Variants in GALNT9 observed in about 807,000 individuals in gnomAD.
GALNT9 encodes the protein GalNAc transferase 9.
Under a neutral mutation model 63.1 loss-of-function variants are expected in GALNT9, and 47 were observed. The observed-to-expected ratio is 0.75, with a 90% CI of 0.59 to 0.95. The LOEUF (loss-of-function observed/expected upper bound fraction) is 0.95, where lower values mean the gene tolerates loss of function less well. Ranked by LOEUF, GALNT9 falls within the 40% of genes least tolerant of loss-of-function variation. The probability of loss-of-function intolerance (pLI) is 0.00; values close to 1 mark genes in which losing one functional copy is unlikely to be tolerated. For missense variants in GALNT9, 829 were observed against 874.8 expected, an observed-to-expected ratio of 0.95 and a Z score of 0.66; for synonymous variants, 396 against 365.7, an observed-to-expected ratio of 1.08 and a Z score of -0.94.
chr12:132,309,179 A>C (rs1384773463), intron 1 of GALNT9, among the ~76,000 whole-genome samples: 3 of 152,182 alleles, frequency 2.0e-5, no homozygotes, highest in Non-Finnish European at 4.4e-5. Context: ...ACCCCCGTAG[A>C]TTTCACCTGA....
rs1391235817 is a variant in GALNT9 at position 132,308,723 on chromosome 12, T to C, written c.238+20243A>G. Among the ~76,000 whole-genome samples the C allele has an allele frequency of 2.0e-5, 3 of 152,206 alleles. No homozygotes were observed. The East Asian group carries it at 5.8e-4, about 29-fold the overall frequency. ...ACTGCCCACGATGTCAGCACCATGCTGTCCCCATTGCATAGACAGTGAGGC... is the reference window on the plus strand; with the variant it reads ...ACTGCCCACGATGTCAGCACCATGCCGTCCCCATTGCATAGACAGTGAGGC... On this transcript the variant is annotated intron_variant, in intron 1 of 10. Transcript: ENST00000328957.
intron 2 of GALNT9, among the ~76,000 whole-genome samples, chr12:132,285,813 G>A (rs1880562013): frequency 6.6e-6 from 1 of 152,172 alleles, no homozygotes; most frequent in East Asian, 1.9e-4. Flanking sequence ...CCAAAAGTAG[G>A]GGAGGGGGAG....
intron 1 of GALNT9, among the ~76,000 whole-genome samples, chr12:132,291,369 G>C (rs868972328): frequency 3.3e-5 from 1 of 30,664 alleles, no homozygotes; most frequent in East Asian, 1.8e-3. Context: ...CAGCACCCAC[G>C]TCCACAGCAC....
At chr12:132,259,509 G>T (rs1555239505) in intron 4 of GALNT9, among the ~76,000 whole-genome samples, 1 of 152,218 alleles carries the variant, frequency 6.6e-6, no homozygotes, top group Non-Finnish European at 1.5e-5. Context: ...GAGGGCACAG[G>T]GCAGAGGAGG....
At chr12:132,283,725 G>C (rs1460753063) in intron 2 of GALNT9, 3 of 150,346 alleles carry the variant, frequency 2.0e-5, no homozygotes, top group Non-Finnish European at 4.4e-5. Context: ...TCACACATGG[G>C]TGCCGGAGAA....
chr12:132,237,763 G>C (rs1878057610), intron 6 of GALNT9, among the ~76,000 whole-genome samples: 1 of 152,240 alleles, frequency 6.6e-6, no homozygotes, highest in South Asian at 2.1e-4. Context: ...GGTGGGGCCT[G>C]ACGCAGCCTC....
chr12:132,250,214 T>C (rs1878855846), intron 5 of GALNT9, among the ~76,000 whole-genome samples: 1 of 151,304 alleles, frequency 6.6e-6, no homozygotes, highest in South Asian at 2.1e-4. Flanking sequence ...TGTGACTCCG[T>C]CCGCATGCAA....
intron 6 of GALNT9, among the ~76,000 whole-genome samples, chr12:132,208,429 AG>A (rs973341260): frequency 5.3e-5 from 8 of 152,214 alleles, no homozygotes; most frequent in African/African-American, 1.7e-4. Context: ...CCCCACTGAG[AG>A]GGGGACGCTA....
intron 2 of GALNT9, among the ~76,000 whole-genome samples, chr12:132,272,342 C>T (rs1698404834): frequency 6.6e-6 from 1 of 152,250 alleles, no homozygotes; most frequent in Non-Finnish European, 1.5e-5. Context: ...TGGCTCCACA[C>T]AGGCCCTCCA....
chr12:132,251,379 T>A (rs1289460890), intron 5 of GALNT9, among the ~76,000 whole-genome samples: 1 of 152,214 alleles, frequency 6.6e-6, no homozygotes, highest in South Asian at 2.1e-4. Flanking sequence ...GGCAGGAAGC[T>A]GTGAAACAGG....
chr12:132,227,549 T>A (rs1877740441), intron 6 of GALNT9, among the ~76,000 whole-genome samples: 2 of 152,228 alleles, frequency 1.3e-5, no homozygotes, highest in Non-Finnish European at 2.9e-5. Flanking sequence ...ATTTTTATTT[T>A]GTTCTAGTTA....
intron 2 of GALNT9, among the ~76,000 whole-genome samples, chr12:132,267,634 A>C (rs1879651567): frequency 6.6e-6 from 1 of 152,250 alleles, no homozygotes; most frequent in Admixed American, 6.5e-5. Flanking sequence ...TACCACAGCC[A>C]TTGGCAGGGC....
At chr12:132,197,581 C>T (rs901042598) in intron 10 of GALNT9, among the ~76,000 whole-genome samples, 1 of 148,866 alleles carries the variant, frequency 6.7e-6, no homozygotes, top group Non-Finnish European at 1.5e-5. Context: ...CCCGACCCCT[C>T]TCTGGCTGTG....
In GALNT9 at chr12:132,252,831, C is replaced by T. The variant is rs1207830802; in HGVS notation, c.960-4804G>A. Among the ~76,000 whole-genome samples the T allele has an allele frequency of 6.6e-6, 1 of 151,548 alleles. No homozygotes were observed. The highest frequency in any genetic ancestry group is 2.4e-5 in the African/African-American group (1 of 41,148). On this transcript the variant is annotated intron_variant, in intron 5 of 10. Transcript: ENST00000328957. This position sits in a 1 kb window ranked among gnomAD's most constrained non-coding sequence, Gnocchi z 5.2. ...CTGGGAGGCGGAGGTTGTGGTGAGC[C>T]GAGATCGCACCACTGCACTCCAGCC...
chr12:132,326,914 C>T (rs1016438346), intron 1 of GALNT9, among the ~76,000 whole-genome samples: 5 of 152,194 alleles, frequency 3.3e-5, no homozygotes, highest in Non-Finnish European at 5.9e-5. Context: ...TCTACGGCAC[C>T]GCCCTCCCCG....
intron 1 of GALNT9, among the ~76,000 whole-genome samples, chr12:132,309,629 G>A (rs1881741823): frequency 6.6e-6 from 1 of 152,214 alleles, no homozygotes; most frequent in South Asian, 2.1e-4. Flanking sequence ...TGCCACGACT[G>A]CCCAGTGTCC....
chr12:132,284,285 AC>A (rs1329060143), intron 2 of GALNT9: 3 of 146,696 alleles, frequency 2.0e-5, no homozygotes, highest in African/African-American at 7.7e-5. Flanking sequence ...ACACACCCAC[AC>A]CCACCCGCAC....
At chr12:132,224,590 C>CAA (rs1877569488) in intron 6 of GALNT9, among the ~76,000 whole-genome samples, 1 of 95,228 alleles carries the variant, frequency 1.1e-5, no homozygotes. Flanking sequence ...ACACACCACA[C>CAA]AACCCACACC....
At chr12:132,210,811 T>G (rs1876923018) in intron 6 of GALNT9, among the ~76,000 whole-genome samples, 1 of 151,190 alleles carries the variant, frequency 6.6e-6, no homozygotes, top group South Asian at 2.1e-4. Context: ...GGTTGCCATC[T>G]GGGTGGTCGC....
Sources: allele counts gnomAD v4.1 joint callset (sites outside exome capture counted in the v4.1 genomes callset), GRCh38; gene constraint gnomAD v4.1.1; non-coding constraint Gnocchi (gnomAD v3.1); transcripts MANE v1.5; gene names NCBI Gene and HGNC (gene_info 2026-07-23, HGNC 2026-07-21).